NME5: variants seen among roughly 807,000 people sequenced by gnomAD.
The protein encoded by NME5 is nucleoside diphosphate kinase 5.
In NME5, 18 loss-of-function variants were observed where a neutral mutation model predicts 21.6. The ratio of observed to expected loss-of-function variants is 0.83; its 90% confidence interval spans 0.58 to 1.24. NME5 has a LOEUF of 1.24. Ranked by LOEUF, NME5 falls within the 50% of genes most tolerant of loss-of-function variation. The pLI is 0.00. For synonymous variants in NME5, 70 were observed against 80.6 expected (o/e 0.87, Z 0.71); for missense variants, 223 against 255.4 (o/e 0.87, Z 0.86).
chr5:138,128,594 G>C lies in NME5; in HGVS notation c.336-15C>G, dbSNP rs553388477. On this transcript the variant is annotated splice_polypyrimidine_tract_variant and intron_variant, in intron 3 of 5. Coordinates refer to ENST00000265191, the MANE Select transcript of NME5 (RefSeq NM_003551.3). ...TTGCCCTCAGACTAAAAACAAGTTA[G>C]AGATGACGTCCATCCAATCTAACGT... 2.3e-5 allele frequency: 36 copies of C among 1,574,530 alleles called. No individual in the cohort carries two copies. In the East Asian group the frequency reaches 7.2e-4, roughly 32 times the overall value.
At chr5:138,134,202 G>A (rs1291369620) in intron 2 of NME5, among the ~76,000 whole-genome samples, 1 of 152,052 alleles carries the variant, frequency 6.6e-6, no homozygotes, top group Non-Finnish European at 1.5e-5. Context: ...TGCCTCCTGA[G>A]TAGCTGGGAT....
chr5:138,135,630 C>T (rs149361841), intron 2 of NME5, among the ~76,000 whole-genome samples: 157 of 152,168 alleles, frequency 1.0e-3, no homozygotes, highest in African/African-American at 3.6e-3. Context: ...CCACTGCACC[C>T]GGGCAAAATA....
rs1751140022 is a variant in NME5, at chr5:138,115,603, A to G, written c.*78T>C. 3 of 815,814 alleles carry G rather than the reference A, an allele frequency of 3.7e-6. No individual in the cohort carries two copies. The East Asian group carries it at 7.7e-5, about 21-fold the overall frequency. 50.5% of individuals were successfully genotyped at this position (815,814 alleles called of 1,614,324 possible). Reference sequence around the variant, plus strand: ...TACTTGTAGTTACTTAAACCCTAGAAATAATTTTTTCAAACAGTAGAAGTA... The same window carrying G: ...TACTTGTAGTTACTTAAACCCTAGAGATAATTTTTTCAAACAGTAGAAGTA... On this transcript the variant is annotated 3_prime_UTR_variant, in exon 6 of 6. Coordinates refer to ENST00000265191, the MANE Select transcript of NME5 (RefSeq NM_003551.3).
intron 2 of NME5, among the ~76,000 whole-genome samples, chr5:138,137,334 T>TTTA (rs1751721637): frequency 2.4e-5 from 3 of 126,324 alleles, no homozygotes; most frequent in East Asian, 2.4e-4. Context: ...TTATTTATTT[T>TTTA]TTGAGACAGA....
At chr5:138,127,424 A>G (rs1454606456) in intron 4 of NME5, 1 of 953,582 alleles carries the variant, frequency 1.0e-6, no homozygotes, top group East Asian at 1.2e-4. Flanking sequence ...AAAAAAATAT[A>G]TCAGGAACTT....
chr5:138,133,384 C>A (rs549788336), intron 2 of NME5, among the ~76,000 whole-genome samples: 4 of 151,868 alleles, frequency 2.6e-5, no homozygotes, highest in Non-Finnish European at 5.9e-5. Flanking sequence ...GGATTACAGG[C>A]GTGAGCCACC....
chr5:138,138,929 G>A, intron 1 of NME5, 144 bp from the exon 2 acceptor site: 1 of 739,090 alleles, frequency 1.4e-6, no homozygotes, highest in Admixed American at 2.7e-5. Context: ...GATGAAGGTA[G>A]AAACTGCCAT....
chr5:138,129,830 G>A (rs1013762819), intron 2 of NME5, among the ~76,000 whole-genome samples: 3 of 152,118 alleles, frequency 2.0e-5, no homozygotes, highest in Admixed American at 1.3e-4. Context: ...GGCGGCATGC[G>A]CCTGTAGTCC....
At chr5:138,135,905 C>T (rs1323958381) in intron 2 of NME5, among the ~76,000 whole-genome samples, 4 of 152,146 alleles carry the variant, frequency 2.6e-5, no homozygotes, top group Non-Finnish European at 5.9e-5. Flanking sequence ...GTCTCTATCA[C>T]AAAAGGTTGG....
At position 138,128,552 on chromosome 5, in the gene NME5, G is replaced by A. The variant is rs776578068; in HGVS notation, c.363C>T (p.Asp121=). The change falls in exon 4 of 6, where the codon GAC becomes GAT. Residue 121 remains aspartate (D), a synonymous_variant. Coordinates refer to ENST00000265191, the MANE Select transcript of NME5 (RefSeq NM_003551.3). ...TACTCCCATGAAGTGCATTCCTTAGGTCATCTGTGCCATAAATTGCCCTCA... is the reference window on the plus strand; with the variant it reads ...TACTCCCATGAAGTGCATTCCTTAGATCATCTGTGCCATAAATTGCCCTCA... ...DSLRAIYGTD[D]LRNALHGSND... is the part of the protein sequence containing the mutation. The A allele has an allele frequency of 1.1e-5, 18 of 1,612,160 alleles. No homozygotes were observed. The East Asian group carries it at 2.2e-4, about 20-fold the overall frequency.
chr5:138,123,667 A>G (rs1372606419), intron 4 of NME5, among the ~76,000 whole-genome samples: 2 of 152,170 alleles, frequency 1.3e-5, no homozygotes, highest in African/African-American at 4.8e-5. Flanking sequence ...TAATGCCACA[A>G]TGAACATTAT....
intron 4 of NME5, 127 bp downstream of exon 4, chr5:138,128,352 T>C (rs1022297625): frequency 2.7e-5 from 20 of 733,448 alleles, no homozygotes; most frequent in Middle Eastern, 2.6e-4. Flanking sequence ...TAACTACAAC[T>C]TGAAAACATA....
At chr5:138,124,926 A>ATTTG (rs577143676) in intron 4 of NME5, among the ~76,000 whole-genome samples, 1 of 151,744 alleles carries the variant, frequency 6.6e-6, no homozygotes, top group South Asian at 2.1e-4. Context: ...TTATTTATTT[A>ATTTG]TTTGTTTGTT....
At chr5:138,132,058 A>C (rs1352902411) in intron 2 of NME5, among the ~76,000 whole-genome samples, 4 of 152,098 alleles carry the variant, frequency 2.6e-5, no homozygotes, top group Non-Finnish European at 1.5e-5. Context: ...AGAGCTTTTA[A>C]AAAATTATTT....
chr5:138,119,994 T>C (rs1751248009), intron 4 of NME5, among the ~76,000 whole-genome samples: 1 of 151,976 alleles, frequency 6.6e-6, no homozygotes, highest in Non-Finnish European at 1.5e-5. Flanking sequence ...TGGAGTGTGG[T>C]GGTGTGAGCA....
At chr5:138,130,644 G>A (rs1751539972) in intron 2 of NME5, among the ~76,000 whole-genome samples, 1 of 152,088 alleles carries the variant, frequency 6.6e-6, no homozygotes, top group Admixed American at 6.6e-5. Flanking sequence ...CAAAAATCAG[G>A]CCAGGCGCGG....
chr5:138,131,687 A>T (rs1411796116), intron 2 of NME5, among the ~76,000 whole-genome samples: 1 of 152,108 alleles, frequency 6.6e-6, no homozygotes, highest in Non-Finnish European at 1.5e-5. Context: ...ATGGTAGCTC[A>T]GTCTAATTTG....
chr5:138,131,242 G>A (rs1377857388), intron 2 of NME5, among the ~76,000 whole-genome samples: 5 of 147,562 alleles, frequency 3.4e-5, no homozygotes, highest in African/African-American at 1.3e-4. Flanking sequence ...TTAGCCAGCC[G>A]TGGTGGCGGG....
intron 4 of NME5, among the ~76,000 whole-genome samples, chr5:138,120,019 C>T (rs1751248571): frequency 6.6e-6 from 1 of 151,824 alleles, no homozygotes; most frequent in Non-Finnish European, 1.5e-5. Context: ...TCACTGCAGC[C>T]TCGAACTCCT....
Sources: allele counts gnomAD v4.1 joint callset (sites outside exome capture counted in the v4.1 genomes callset), GRCh38; gene constraint gnomAD v4.1.1; transcripts MANE v1.5; gene names NCBI Gene and HGNC (gene_info 2026-07-23, HGNC 2026-07-21).